Variants in HNF4G observed in about 807,000 individuals in gnomAD.
HNF4G encodes the protein hepatocyte nuclear factor 4-gamma.
A neutral mutation model predicts 50.9 loss-of-function variants in HNF4G; 21 were observed. That is an observed-to-expected ratio of 0.41 (90% confidence interval 0.29 to 0.59). HNF4G has a LOEUF of 0.59. Among genes scored for constraint, HNF4G ranks in the 20% least tolerant of loss-of-function variants. HNF4G has a pLI of 0.26. For missense variants in HNF4G, 527 were observed against 559.4 expected (o/e 0.94, Z 0.58); for synonymous variants, 198 against 185.6 (o/e 1.07, Z -0.54).
At chr8:75,422,379 G>A (rs1027402767) in intron 1 of HNF4G, among the ~76,000 whole-genome samples, 5 of 152,238 alleles carry the variant, frequency 3.3e-5, no homozygotes, top group African/African-American at 4.8e-5. Context: ...TATGATCAGG[G>A]CAGTGCTTGT....
chr8:75,491,812 G>T (rs908499700), intron 2 of HNF4G, among the ~76,000 whole-genome samples: 1 of 152,170 alleles, frequency 6.6e-6, no homozygotes, highest in Non-Finnish European at 1.5e-5. Flanking sequence ...GGAAATGCAA[G>T]TCGCTTAGAG....
chr8:75,496,621 A>T (rs997728014), intron 2 of HNF4G, among the ~76,000 whole-genome samples: 1 of 152,064 alleles, frequency 6.6e-6, no homozygotes, highest in African/African-American at 2.4e-5. Flanking sequence ...TTAATTTATT[A>T]AAAAAAGAAT....
intron 1 of HNF4G, among the ~76,000 whole-genome samples, chr8:75,464,645 A>C (rs138572810): frequency 6.6e-6 from 1 of 152,136 alleles, no homozygotes; most frequent in Non-Finnish European, 1.5e-5. Context: ...AATTTTGCTT[A>C]TGTATTATTG....
intron 2 of HNF4G, among the ~76,000 whole-genome samples, chr8:75,530,934 G>A (rs1476867942): frequency 2.0e-5 from 3 of 151,474 alleles, no homozygotes; most frequent in African/African-American, 4.9e-5. Context: ...CTGGGACTAC[G>A]GGCATGCACC....
At chr8:75,436,001 G>T (rs1811128232) in intron 1 of HNF4G, among the ~76,000 whole-genome samples, 1 of 152,080 alleles carries the variant, frequency 6.6e-6, no homozygotes, top group Non-Finnish European at 1.5e-5. Context: ...TGGCATTCAT[G>T]TGCATTTGTA....
In HNF4G at chr8:75,542,535, G is replaced by GAAAA. The variant is rs71567128; in HGVS notation, c.119-1259_119-1256dup. 1.4e-4 allele frequency among the ~76,000 whole-genome samples: 11 copies of GAAAA among 80,520 alleles called. No homozygotes were observed. The South Asian group carries it at 2.8e-3, about 21-fold the overall frequency. 52.8% of individuals were successfully genotyped at this position (80,520 alleles called of 152,430 possible). A position where few individuals can be genotyped will look rare whatever the true frequency, so the allele number is the denominator to read the frequency against. ...GATGAGAGTAGCCTTCAATGACGAC[G>GAAAA]AAAAAAAAAAAAAAAAAAAAGACGG... On this transcript the variant is annotated intron_variant, in intron 1 of 9. Coordinates refer to ENST00000396423, the MANE Select transcript of HNF4G (RefSeq NM_004133.5).
At chr8:75,523,809 T>C (rs1000079521) in intron 2 of HNF4G, among the ~76,000 whole-genome samples, 2 of 151,888 alleles carry the variant, frequency 1.3e-5, no homozygotes, top group Non-Finnish European at 2.9e-5. Context: ...TGATTATAAC[T>C]GATGAGAAAC....
chr8:75,551,400 A>G lies in HNF4G; in HGVS notation c.395A>G (p.Glu132Gly). ...TTTTTCCCCCTAGCTGTACAAAATG[A>G]ACGTGACAGAATAAGCACCAGAAGA... ...AGMKKEAVQN[E>G]RDRISTRRST... is the part of the protein sequence containing the mutation. The change falls in exon 4 of 10, where the codon GAA becomes GGA. Residue 132 changes from glutamate to glycine, a missense_variant. Physicochemically the swap from Glu to Gly is moderately conservative, Grantham distance 98. This residue lies in a region of HNF4G where 128 missense variants were observed against 135.3 expected (regional missense o/e 0.95). Coordinates refer to ENST00000396423, the MANE Select transcript of HNF4G (RefSeq NM_004133.5). 1.2e-6 allele frequency: 2 copies of G among 1,607,394 alleles called. No individual in the cohort carries two copies. Among genetic ancestry groups the G allele is most frequent in the African/African-American group, 2.7e-5 (2 of 74,894 alleles).
intron 1 of HNF4G, among the ~76,000 whole-genome samples, chr8:75,489,556 T>C (rs1426245085): frequency 1.4e-4 from 22 of 152,202 alleles, no homozygotes; most frequent in Admixed American, 1.4e-3. Context: ...GCTTTATAGT[T>C]ACATTCAATT....
At chr8:75,508,038 C>T (rs1027539425) in intron 2 of HNF4G, among the ~76,000 whole-genome samples, 9 of 149,742 alleles carry the variant, frequency 6.0e-5, no homozygotes, top group Admixed American at 1.3e-4. Context: ...AAGATAAAAG[C>T]GAGAAGAAAA....
At chr8:75,551,111 C>T (rs1026727511) in intron 3 of HNF4G, among the ~76,000 whole-genome samples, 3 of 151,984 alleles carry the variant, frequency 2.0e-5, no homozygotes, top group Non-Finnish European at 4.4e-5. Flanking sequence ...AGAAAACCAC[C>T]CTATTAAAAA....
intron 8 of HNF4G, among the ~76,000 whole-genome samples, chr8:75,559,475 T>A (rs1299254748): frequency 2.0e-5 from 3 of 152,054 alleles, no homozygotes; most frequent in Non-Finnish European, 4.4e-5. Context: ...GGTTTCACCG[T>A]GTTGATTAGG....
At chr8:75,455,122 C>T (rs1215195160) in intron 1 of HNF4G, among the ~76,000 whole-genome samples, 1 of 152,098 alleles carries the variant, frequency 6.6e-6, no homozygotes, top group East Asian at 1.9e-4. Flanking sequence ...ACAAATAACT[C>T]ATCTTCCAAA....
chr8:75,503,026 C>T (rs1296796540), intron 2 of HNF4G, among the ~76,000 whole-genome samples: 1 of 152,094 alleles, frequency 6.6e-6, no homozygotes, highest in Non-Finnish European at 1.5e-5. Flanking sequence ...TGGACAGATA[C>T]ATAGTATCTA....
Position 75,543,820 on chromosome 8 carries a change from C to T in HNF4G, c.128C>T (p.Ala43Val), listed in dbSNP as rs1328102415. 2 of 1,610,798 alleles carry T rather than the reference C, an allele frequency of 1.2e-6. No homozygotes were observed. Among genetic ancestry groups the T allele is most frequent in the Admixed American group, 3.4e-5 (2 of 59,306 alleles). The change falls in exon 2 of 10, where the codon GCC (alanine) becomes GTC (valine). Residue 43 changes from alanine to valine, a missense_variant. Physicochemically the swap from Ala to Val is moderately conservative, Grantham distance 64. This residue lies in a region of HNF4G where 84 missense variants were observed against 87.1 expected (regional missense o/e 0.96). Transcript: ENST00000396423. Reference protein sequence around the residue: ...QILYNSSDSSAPETSMNTTDN... With the variant: ...QILYNSSDSSVPETSMNTTDN... ...CCTTTTTTATTGACAGATAGTTCTG[C>T]CCCAGAGACAAGTATGAATACCACA...
At chr8:75,479,006 C>T (rs1212250673) in intron 1 of HNF4G, among the ~76,000 whole-genome samples, 5 of 152,162 alleles carry the variant, frequency 3.3e-5, no homozygotes, top group African/African-American at 1.2e-4. Context: ...ACATGCATGG[C>T]CACCCCGCTC....
chr8:75,426,275 T>C (rs1427221055), intron 1 of HNF4G, among the ~76,000 whole-genome samples: 2 of 152,240 alleles, frequency 1.3e-5, no homozygotes, highest in Non-Finnish European at 2.9e-5. Context: ...TGCCATTTTG[T>C]CTGTCCAGAA....
At chr8:75,545,265 G>GTGTGTGTGTGTT (rs1202744358) in intron 2 of HNF4G, among the ~76,000 whole-genome samples, 3 of 150,148 alleles carry the variant, frequency 2.0e-5, no homozygotes, top group African/African-American at 7.3e-5. Flanking sequence ...GTGTGTGTGT[G>GTGTGTGTGTGTT]TGTGTGTAAA....
At chr8:75,437,753 A>T (rs528635426) in intron 1 of HNF4G, among the ~76,000 whole-genome samples, 12 of 152,164 alleles carry the variant, frequency 7.9e-5, no homozygotes, top group African/African-American at 2.6e-4. Context: ...AAACATGGAC[A>T]TAAAAAATAT....
Sources: gnomAD v4.1 joint callset for allele counts (sites outside exome capture counted in the v4.1 genomes callset) on GRCh38, gnomAD v4.1.1 for gene constraint, gnomAD v4.1.1 regional missense constraint, MANE v1.5 for transcripts, NCBI Gene and HGNC (gene_info 2026-07-23, HGNC 2026-07-21) for gene names.